The following PCDH15 variants were observed in gnomAD, a reference collection of about 807,000 sequenced individuals.
The protein encoded by PCDH15 is protocadherin related 15, also known as protocadherin-15.
PCDH15 carries 129 observed loss-of-function variants against 178.5 expected under a neutral mutation model. The observed-to-expected ratio is 0.72, with a 90% confidence interval of 0.63 to 0.84. The LOEUF is 0.84. Among genes scored for constraint, PCDH15 ranks in the 40% least tolerant of loss-of-function variants. PCDH15 has a pLI of 0.00. For missense variants in PCDH15, 2,230 were observed against 2,099.9 expected (o/e 1.06, Z -1.21); for synonymous variants, 800 against 732.0 (o/e 1.09, Z -1.50).
At chr10:53,882,952 A>C (rs1045459867) in intron 26 of PCDH15, among the ~76,000 whole-genome samples, 12 of 152,182 alleles carry the variant, frequency 7.9e-5, no homozygotes, top group Non-Finnish European at 1.8e-4. Context: ...AAATGGACCA[A>C]GGAATACAAA....
chr10:55,536,364 T>A (rs1246308992), intron 2 of PCDH15, among the ~76,000 whole-genome samples: 1 of 152,114 alleles, frequency 6.6e-6, no homozygotes, highest in East Asian at 1.9e-4. Context: ...TATTGAACAG[T>A]TCTAATCTGC....
intron 2 of PCDH15, among the ~76,000 whole-genome samples, chr10:55,359,747 TACACACACACACACACACACACAC>T (rs57691062): frequency 3.7e-5 from 3 of 81,666 alleles, no homozygotes; most frequent in African/African-American, 1.1e-4. Flanking sequence ...TATATATATA[TACACACACACACACACACACACAC>T]ATATATATAT....
intron 27 of PCDH15, among the ~76,000 whole-genome samples, chr10:53,862,911 G>A (rs1039492518): frequency 6.6e-6 from 1 of 152,176 alleles, no homozygotes; most frequent in Non-Finnish European, 1.5e-5. Context: ...TAGATATACA[G>A]TATTTACTAA....
chr10:53,934,956 T>TA (rs370478961), intron 25 of PCDH15, among the ~76,000 whole-genome samples: 4,231 of 147,490 alleles, frequency 0.029, 191 homozygotes, highest in African/African-American at 0.095. Flanking sequence ...AGTCTAGAAT[T>TA]AAAAAAAAAA....
chr10:54,387,487 T>A (rs1173420288), intron 3 of PCDH15, among the ~76,000 whole-genome samples: 1 of 152,134 alleles, frequency 6.6e-6, no homozygotes, highest in Non-Finnish European at 1.5e-5. Context: ...AAAAAACAAA[T>A]ATGGCATGAT....
At chr10:54,566,494 A>G (rs1420533558) in intron 2 of PCDH15, among the ~76,000 whole-genome samples, 1 of 152,094 alleles carries the variant, frequency 6.6e-6, no homozygotes, top group Non-Finnish European at 1.5e-5. Flanking sequence ...CTGCCGATTC[A>G]TTTTTCCCTG....
At chr10:54,293,472 T>C (rs995394860) in intron 8 of PCDH15, among the ~76,000 whole-genome samples, 9 of 151,970 alleles carry the variant, frequency 5.9e-5, no homozygotes, top group African/African-American at 1.9e-4. Flanking sequence ...CAAATGGGAT[T>C]GAATTAAACT....
At position 55,340,091 on chromosome 10, in the gene PCDH15, T is replaced by A. The variant is rs142997163; in HGVS notation, c.-155-173440A>T. 3.4e-3 allele frequency among the ~76,000 whole-genome samples: 512 copies of A among 151,654 alleles called. 3 individuals carry two copies. The highest frequency in any genetic ancestry group is 0.012 in the African/African-American group (488 of 41,464). ...TCCATTTAGTATTAAGAAGTTAATA[T>A]TTAAATAGAAAAAAGTATAGATTCT... is the stretch of plus-strand genomic sequence containing the variant. On this transcript the variant is annotated intron_variant, in intron 2 of 5. Coordinates refer to the PCDH15 transcript ENST00000613346.
At chr10:54,626,073 T>A (rs778381820) in intron 2 of PCDH15, among the ~76,000 whole-genome samples, 1 of 152,136 alleles carries the variant, frequency 6.6e-6, no homozygotes, top group Non-Finnish European at 1.5e-5. Flanking sequence ...TGTGGAACTT[T>A]GAACTTGAGA....
At chr10:55,028,995 T>C (rs1037229087) in intron 2 of PCDH15, among the ~76,000 whole-genome samples, 3 of 151,932 alleles carry the variant, frequency 2.0e-5, no homozygotes, top group African/African-American at 4.8e-5. Context: ...TTTGAGTCTT[T>C]CCATAAACTT....
rs1191859688 is a variant in PCDH15, at chr10:53,936,676, A to G, written c.3373+2139T>C. Reference sequence around the variant, plus strand: ...TTAATTAATTTGCATTTAAATATTAAATCTAATCACATCATGGTTGCACAA... The same window carrying G: ...TTAATTAATTTGCATTTAAATATTAGATCTAATCACATCATGGTTGCACAA... On this transcript the variant is annotated intron_variant, in intron 25 of 37. Transcript: ENST00000644397. Among the ~76,000 whole-genome samples, 4 of 152,206 alleles carry G rather than the reference A, an allele frequency of 2.6e-5. No homozygotes were observed. In the East Asian group the frequency reaches 7.7e-4, roughly 29 times the overall value.
chr10:54,280,096 A>C (rs1022237403), intron 8 of PCDH15, among the ~76,000 whole-genome samples: 3 of 151,670 alleles, frequency 2.0e-5, no homozygotes, highest in African/African-American at 4.8e-5. Context: ...TAATTATTAG[A>C]AGAAACTTTG....
chr10:54,779,081 C>T (rs575254812), intron 1 of PCDH15, among the ~76,000 whole-genome samples: 32 of 152,050 alleles, frequency 2.1e-4, no homozygotes, highest in African/African-American at 6.7e-4. Context: ...AATCTAATAC[C>T]CTTTTAAGTT....
intron 2 of PCDH15, chr10:55,575,683 A>C (rs150859928): frequency 6.6e-6 from 1 of 152,214 alleles, no homozygotes; most frequent in African/African-American, 2.4e-5. Flanking sequence ...TCCGCAGTGC[A>C]TTCCTCTCCA....
At chr10:54,916,168 A>C (rs575422345) in intron 2 of PCDH15, among the ~76,000 whole-genome samples, 1 of 151,978 alleles carries the variant, frequency 6.6e-6, no homozygotes, top group South Asian at 2.1e-4. Flanking sequence ...GATGGGTTTC[A>C]CCATATTGGT....
chr10:54,367,836 C>CAT (rs1163605754), intron 5 of PCDH15, among the ~76,000 whole-genome samples: 22 of 149,976 alleles, frequency 1.5e-4, no homozygotes, highest in Admixed American at 4.7e-4. Context: ...TATATATATA[C>CAT]ATATATATAT....
At chr10:55,253,033 A>G (rs560804855) in intron 1 of PCDH15, among the ~76,000 whole-genome samples, 1 of 152,142 alleles carries the variant, frequency 6.6e-6, no homozygotes, top group Non-Finnish European at 1.5e-5. Context: ...TTTATTAAAT[A>G]AGGCAAAATT....
At position 54,862,547 on chromosome 10, in the gene PCDH15, G is replaced by A. The variant is rs61853520; in HGVS notation, c.-29+34903C>T. On this transcript the variant is annotated intron_variant, in intron 3 of 5. Coordinates refer to the PCDH15 transcript ENST00000458638. ...CTCAGGTTAAAATTTGATCCCCAACGCAGCATTGTTGGGAGGTAGGGTCTA... is the reference window on the plus strand; with the variant it reads ...CTCAGGTTAAAATTTGATCCCCAACACAGCATTGTTGGGAGGTAGGGTCTA... Among the ~76,000 whole-genome samples the A allele has an allele frequency of 7.8e-3, 1,191 of 152,248 alleles. 4 individuals are homozygous for A. Among genetic ancestry groups the A allele is most frequent in the Non-Finnish European group, 0.013 (886 of 68,008 alleles).
At chr10:55,512,699 C>A (rs1426633097) in intron 2 of PCDH15, among the ~76,000 whole-genome samples, 5 of 152,066 alleles carry the variant, frequency 3.3e-5, no homozygotes, top group Admixed American at 1.3e-4. Flanking sequence ...TTTCTAGCCA[C>A]AGGGGTCTAG....
Sources: allele counts gnomAD v4.1 joint callset (sites outside exome capture counted in the v4.1 genomes callset), GRCh38; gene constraint gnomAD v4.1.1; transcripts MANE v1.5; gene names NCBI Gene and HGNC (gene_info 2026-07-23, HGNC 2026-07-21).